Variants in ACLY observed in about 807,000 individuals in gnomAD.
ACLY encodes the protein ATP-citrate synthase.
ACLY carries 41 observed loss-of-function variants against 133.0 expected under a neutral mutation model. The ratio of observed to expected loss-of-function variants is 0.31; its 90% CI spans 0.24 to 0.40. The LOEUF (loss-of-function observed/expected upper bound fraction) is 0.40, where lower values mean the gene tolerates loss of function less well. Ranked by LOEUF, ACLY falls within the 10% of genes least tolerant of loss-of-function variation. The pLI is 1.00. For missense variants in ACLY, 1,046 were observed against 1,453.8 expected (o/e 0.72, Z 4.56); for synonymous variants, 495 against 549.3 (o/e 0.90, Z 1.38).
intron 23 of ACLY, 33 bp downstream of exon 23, chr17:41,873,778 A>G (rs1555625508): frequency 6.6e-7 from 1 of 1,517,860 alleles, no homozygotes; most frequent in Non-Finnish European, 8.9e-7. Flanking sequence ...TCTGAGCTGC[A>G]GGGCCCTGTA....
At chr17:41,881,168 G>A (rs1437602026) in intron 20 of ACLY, among the ~76,000 whole-genome samples, 2 of 151,940 alleles carry the variant, frequency 1.3e-5, no homozygotes, top group African/African-American at 2.4e-5. Flanking sequence ...GGTAACTCAC[G>A]GCTGTAATCC....
chr17:41,897,321 C>A (rs1256766599), intron 13 of ACLY, among the ~76,000 whole-genome samples: 1 of 151,994 alleles, frequency 6.6e-6, no homozygotes, highest in Non-Finnish European at 1.5e-5. Context: ...TCTGTTAGGG[C>A]CCCAAGATGG....
At chr17:41,917,743 G>A (rs575959550) in intron 1 of ACLY, among the ~76,000 whole-genome samples, 64 of 152,264 alleles carry the variant, frequency 4.2e-4, no homozygotes, top group Non-Finnish European at 7.2e-4. Flanking sequence ...ACTGCGGCAG[G>A]CATAGTGTCA....
Position 41,868,748 on chromosome 17 carries a change from T to C in ACLY, c.3172A>G (p.Asn1058Asp), listed in dbSNP as rs782139055. The C allele has an allele frequency of 6.2e-7, 1 of 1,613,866 alleles. No homozygotes were observed. The highest frequency in any genetic ancestry group is 1.7e-5 in the Admixed American group (1 of 59,974). ...ADEYIDIGAL[N>D]GIFVLGRSMG... ...CTCCTTCCCAGCACAAAGATGCCAT[T>C]GAGGGCTCCAATGTCAATATATTCA... Residue 1058 changes from asparagine (N) to aspartate (D), a missense_variant, in exon 28 of 29, where the codon AAT (asparagine) becomes GAT (aspartate). Coordinates refer to ENST00000352035, the MANE Select transcript of ACLY (RefSeq NM_001096.3).
chr17:41,922,365 C>T (rs1339559243), upstream of ACLY, among the ~76,000 whole-genome samples: 20 of 108,692 alleles, frequency 1.8e-4, no homozygotes, highest in African/African-American at 7.4e-4. Flanking sequence ...GGTGACAGAG[C>T]GAGACAAAAA....
At chr17:41,903,027 G>A (rs1262103151) in intron 10 of ACLY, among the ~76,000 whole-genome samples, 1 of 152,102 alleles carries the variant, frequency 6.6e-6, no homozygotes, top group African/African-American at 2.4e-5. Context: ...GAGCTCAAGT[G>A]ATCTGCCTGC....
chr17:41,907,951 C>T (rs1445040993), intron 6 of ACLY, among the ~76,000 whole-genome samples: 1 of 152,144 alleles, frequency 6.6e-6, no homozygotes, highest in East Asian at 1.9e-4. Flanking sequence ...ACAGAAGACC[C>T]CCCACCGGTA....
At chr17:41,899,718 C>T (rs1555631177) in intron 11 of ACLY, among the ~76,000 whole-genome samples, 1 of 152,038 alleles carries the variant, frequency 6.6e-6, no homozygotes, top group African/African-American at 2.4e-5. Context: ...CAGGCCTGCC[C>T]CACTGCACAT....
Position 41,882,367 on chromosome 17 carries a change from CAAA to C in ACLY, c.2265+752_2265+754del, listed in dbSNP as rs34078258. On this transcript the variant is annotated intron_variant, in intron 20 of 28. Coordinates refer to ENST00000352035, the MANE Select transcript of ACLY (RefSeq NM_001096.3). ...GGGCGACAGAGTGAGACCCTGTCTC[CAAA>C]AAAAAAAAAAAAAAAAAAAAAAAAA... Among the ~76,000 whole-genome samples the C allele has an allele frequency of 8.2e-3, 330 of 40,188 alleles. 2 individuals are homozygous for C. The highest frequency in any genetic ancestry group is 0.025 in the African/African-American group (237 of 9,340). 26.4% of individuals were successfully genotyped at this position (40,188 alleles called of 152,430 possible).
chr17:41,903,081 G>A (rs536979706), intron 10 of ACLY, among the ~76,000 whole-genome samples: 4 of 152,262 alleles, frequency 2.6e-5, no homozygotes, highest in South Asian at 2.1e-4. Context: ...AAGCCACCAC[G>A]CCCAGCCTCT....
Position 41,909,619 on chromosome 17 carries a change from C to T in ACLY, c.427G>A (p.Gly143Ser), listed in dbSNP as rs1160369014. 3 of 1,614,080 alleles carry T rather than the reference C, an allele frequency of 1.9e-6. No homozygotes were observed. The highest frequency in any genetic ancestry group is 2.5e-6 in the Non-Finnish European group (3 of 1,180,040). ...TTCTGGGCCTTGGCGTCCACATCAC[C>T]CACGTCCACACCCCCCTCGTGGTGG... ...LFHHEGGVDV[G>S]DVDAKAQKLL... Residue 143 changes from glycine (G) to serine (S), a missense_variant, in exon 5 of 29, where the codon GGT becomes AGT. Physicochemically the swap from Gly to Ser is moderately conservative, Grantham distance 56 (BLOSUM62 0). Transcript: ENST00000352035.
intron 13 of ACLY, among the ~76,000 whole-genome samples, chr17:41,897,050 C>T (rs2049387971): frequency 6.6e-6 from 1 of 152,162 alleles, no homozygotes; most frequent in Non-Finnish European, 1.5e-5. Flanking sequence ...GATGATTGGC[C>T]AGCATGGGGT....
chr17:41,876,761 G>A (rs1303966342), intron 22 of ACLY, among the ~76,000 whole-genome samples: 6 of 152,058 alleles, frequency 3.9e-5, no homozygotes, highest in Admixed American at 1.3e-4. Context: ...AAGTACCCAC[G>A]GACACAAACA....
At chr17:41,908,018 AG>A (rs1374709455) in intron 6 of ACLY, among the ~76,000 whole-genome samples, 7 of 152,182 alleles carry the variant, frequency 4.6e-5, no homozygotes, top group Non-Finnish European at 1.0e-4. Flanking sequence ...CAGGTGGAGC[AG>A]GGGCCGCAGG....
At chr17:41,869,411 G>T in intron 26 of ACLY, 63 bp downstream of exon 26, 2 of 1,293,772 alleles carry the variant, frequency 1.5e-6, no homozygotes, top group Non-Finnish European at 2.2e-6. Flanking sequence ...ATGTAACGTG[G>T]CTCCTGTTTC....
At chr17:41,909,103 A>G in intron 5 of ACLY, 35 bp from the exon 6 acceptor site, 1 of 1,554,952 alleles carries the variant, frequency 6.4e-7, no homozygotes, top group Non-Finnish European at 8.8e-7. Flanking sequence ...CAGTTCATCC[A>G]TCAGGGAGCA....
At chr17:41,882,588 C>A (rs1555627566) in intron 20 of ACLY, among the ~76,000 whole-genome samples, 2 of 152,014 alleles carry the variant, frequency 1.3e-5, no homozygotes, top group African/African-American at 4.8e-5. Flanking sequence ...AGCTCAGAAG[C>A]TTAGCAGACA....
At position 41,903,591 on chromosome 17, in the gene ACLY, A is replaced by C. The variant is rs113233509; in HGVS notation, c.1065+1138T>G. On this transcript the variant is annotated intron_variant, in intron 10 of 28. Coordinates refer to ENST00000352035, the MANE Select transcript of ACLY (RefSeq NM_001096.3). Reference sequence around the variant, plus strand: ...AACATGGTGAAACCCCGTCTCTACTAAAAATACAAAAAAAATTAGCCGGGT... The same window carrying C: ...AACATGGTGAAACCCCGTCTCTACTCAAAATACAAAAAAAATTAGCCGGGT... 5.9e-3 allele frequency among the ~76,000 whole-genome samples: 893 copies of C among 151,830 alleles called. 7 individuals are homozygous for C. The highest frequency in any genetic ancestry group is 0.021 in the African/African-American group (862 of 41,370).
chr17:41,874,479 T>C (rs2048678417), intron 22 of ACLY, among the ~76,000 whole-genome samples: 2 of 152,078 alleles, frequency 1.3e-5, no homozygotes, highest in South Asian at 4.1e-4. Flanking sequence ...TGCTATGCTG[T>C]CCAGGCTGGT....
Sources: allele counts gnomAD v4.1 joint callset (sites outside exome capture counted in the v4.1 genomes callset), GRCh38; gene constraint gnomAD v4.1.1; transcripts MANE v1.5; gene names NCBI Gene and HGNC (gene_info 2026-07-23, HGNC 2026-07-21).